Variants in ARIH2 observed in about 807,000 individuals in gnomAD.
ARIH2 encodes the protein ariadne RBR E3 ubiquitin protein ligase 2.
ARIH2 carries 12 observed loss-of-function variants against 79.8 expected under a neutral mutation model. The observed-to-expected ratio is 0.15, with a 90% confidence interval of 0.10 to 0.24. The LOEUF (loss-of-function observed/expected upper bound fraction) is 0.24. Among genes scored for constraint, ARIH2 ranks in the 10% least tolerant of loss-of-function variants. ARIH2 has a pLI of 1.00. For synonymous variants in ARIH2, 224 were observed against 213.9 expected (o/e 1.05, Z -0.41); for missense variants, 301 against 618.3 (o/e 0.49, Z 5.44).
intron 3 of ARIH2, among the ~76,000 whole-genome samples, chr3:48,940,729 AG>A (rs962384125): frequency 5.8e-4 from 84 of 145,936 alleles, no homozygotes; most frequent in Non-Finnish European, 1.1e-3. Context: ...TGGGAGGCAG[AG>A]GTTCCAGTGA....
intron 4 of ARIH2, among the ~76,000 whole-genome samples, chr3:48,963,157 T>G (rs970486386): frequency 1.1e-4 from 16 of 152,164 alleles, no homozygotes; most frequent in African/African-American, 3.9e-4. Flanking sequence ...AAAGAGCAAA[T>G]TCGTTCCTGA....
intron 3 of ARIH2, among the ~76,000 whole-genome samples, chr3:48,939,783 CA>C (rs1207868820): frequency 2.3e-5 from 3 of 132,714 alleles, no homozygotes; most frequent in Non-Finnish European, 4.9e-5. Flanking sequence ...AAAACAAAAA[CA>C]AAAAAACAAA....
chr3:48,947,127 C>G (rs1254315208), intron 3 of ARIH2, among the ~76,000 whole-genome samples: 1 of 152,122 alleles, frequency 6.6e-6, no homozygotes, highest in African/African-American at 2.4e-5. Flanking sequence ...TACTCAGAAG[C>G]CTTGGTCAGG....
chr3:48,927,751 A>T lies in ARIH2; in HGVS notation c.193A>T (p.Thr65Ser). The T allele has an allele frequency of 6.2e-7, 1 of 1,614,160 alleles. No individual in the cohort carries two copies. The highest frequency in any genetic ancestry group is 8.5e-7 in the Non-Finnish European group (1 of 1,180,016). Residue 65 changes from threonine (T) to serine (S), a missense_variant, in exon 3 of 16, where the codon ACC (threonine) becomes TCC (serine). Physicochemically the swap from Thr to Ser is moderately conservative, Grantham distance 58 (BLOSUM62 1). This residue lies in a region of ARIH2 where 223 missense variants were observed against 349.4 expected (regional missense o/e 0.64). Coordinates refer to ENST00000356401, the MANE Select transcript of ARIH2 (RefSeq NM_006321.4). ...DPEEYQFTCL[T>S]YKESEGALNE... ...CGAGGAGTACCAGTTCACTTGCTTG[A>T]CCTACAAGGAATCTGAGGGTGCCCT...
chr3:48,935,983 C>A (rs2087055612), intron 3 of ARIH2, among the ~76,000 whole-genome samples: 1 of 151,846 alleles, frequency 6.6e-6, no homozygotes, highest in Non-Finnish European at 1.5e-5. Flanking sequence ...TGGGACCCAC[C>A]AAAAGAAAAG....
At chr3:48,940,230 C>T (rs1321649541) in intron 3 of ARIH2, among the ~76,000 whole-genome samples, 2 of 151,936 alleles carry the variant, frequency 1.3e-5, no homozygotes, top group Non-Finnish European at 2.9e-5. Flanking sequence ...ATTAGCTGGG[C>T]GTGGTGGCAC....
At chr3:48,959,463 A>G (rs1023585116) in intron 3 of ARIH2, among the ~76,000 whole-genome samples, 10 of 151,852 alleles carry the variant, frequency 6.6e-5, no homozygotes, top group Non-Finnish European at 1.5e-4. Context: ...AGCTTTGTTA[A>G]GGACACAGAA....
chr3:48,924,929 C>G (rs901112174), intron 2 of ARIH2: 2 of 151,894 alleles, frequency 1.3e-5, no homozygotes, highest in Non-Finnish European at 2.9e-5. Flanking sequence ...CTCCTGACCT[C>G]GTGATCTGCC....
chr3:48,969,559 T>A (rs2092045581), intron 7 of ARIH2, among the ~76,000 whole-genome samples: 1 of 151,296 alleles, frequency 6.6e-6, no homozygotes, highest in South Asian at 2.1e-4. Context: ...CAAACATGGC[T>A]CACTGCAGCC....
intron 3 of ARIH2, among the ~76,000 whole-genome samples, chr3:48,939,006 C>T (rs997576853): frequency 1.3e-5 from 2 of 151,644 alleles, no homozygotes; most frequent in African/African-American, 2.4e-5. Flanking sequence ...TGTTGCTCGT[C>T]CCCCAGGCTG....
At position 48,970,824 on chromosome 3, in the gene ARIH2, C is replaced by T. The variant is rs887835746; in HGVS notation, c.770+120C>T. 21 of 683,892 alleles carry T rather than the reference C, an allele frequency of 3.1e-5. No individual in the cohort carries two copies. In the African/African-American group the frequency reaches 3.7e-4, roughly 12 times the overall value. 42.4% of individuals were successfully genotyped at this position (683,892 alleles called of 1,614,324 possible). ...AGGCAGGGTCTCTGAGCCAACAGAA[C>T]AGCTGTGCTCCAAGTGGGTAGGTTT... On this transcript the variant is annotated intron_variant, in intron 8 of 15. Coordinates refer to ENST00000356401, the MANE Select transcript of ARIH2 (RefSeq NM_006321.4).
intron 4 of ARIH2, among the ~76,000 whole-genome samples, chr3:48,962,056 T>C (rs1195802026): frequency 1.3e-5 from 2 of 152,198 alleles, no homozygotes; most frequent in Admixed American, 1.3e-4. Context: ...GATTGTATCA[T>C]AGTACGAGTT....
At chr3:48,960,639 C>T (rs1466427887) in intron 3 of ARIH2, among the ~76,000 whole-genome samples, 2 of 151,814 alleles carry the variant, frequency 1.3e-5, no homozygotes, top group Non-Finnish European at 2.9e-5. Flanking sequence ...TGGCGCATGC[C>T]TGTAATCCCA....
intron 3 of ARIH2, among the ~76,000 whole-genome samples, chr3:48,939,593 TA>T (rs2087729587): frequency 6.6e-6 from 1 of 150,678 alleles, no homozygotes; most frequent in Non-Finnish European, 1.5e-5. Context: ...CTGTCTCTAC[TA>T]AAAATACAAA....
At chr3:48,954,184 G>C (rs1212456920) in intron 3 of ARIH2, among the ~76,000 whole-genome samples, 1 of 151,850 alleles carries the variant, frequency 6.6e-6, no homozygotes, top group Non-Finnish European at 1.5e-5. Context: ...GGCCGGGCTT[G>C]GTGGCTCACG....
At chr3:48,933,630 A>G (rs1222295267) in intron 3 of ARIH2, among the ~76,000 whole-genome samples, 1 of 148,680 alleles carries the variant, frequency 6.7e-6, no homozygotes, top group Non-Finnish European at 1.5e-5. Flanking sequence ...GTTCACTGCA[A>G]GCTCCGCCTA....
chr3:48,934,140 G>T (rs969261139), intron 3 of ARIH2, among the ~76,000 whole-genome samples: 16 of 152,100 alleles, frequency 1.1e-4, no homozygotes, highest in African/African-American at 3.9e-4. Context: ...CAGGGCTTCT[G>T]ACTCTTAAGT....
Position 48,977,304 on chromosome 3 carries a change from T to C in ARIH2, c.962-2178T>C, listed in dbSNP as rs561868721. On this transcript the variant is annotated intron_variant, in intron 11 of 15. Coordinates refer to ENST00000356401, the MANE Select transcript of ARIH2 (RefSeq NM_006321.4). ...GGGAATGTGGTTTTTTGTTTTGTTT[T>C]GTTTCGTTTTTTGAGATGGAGTCTC... is the stretch of plus-strand genomic sequence containing the variant. Among the ~76,000 whole-genome samples the C allele has an allele frequency of 1.1e-3, 163 of 152,254 alleles. 1 individual carries two copies. Among genetic ancestry groups the C allele is most frequent in the African/African-American group, 3.6e-3 (148 of 41,532 alleles).
At chr3:48,975,091 C>T in intron 11 of ARIH2, 112 bp downstream of exon 11, 1 of 1,571,510 alleles carries the variant, frequency 6.4e-7, no homozygotes, top group Admixed American at 1.7e-5. Context: ...AGAAGAACCT[C>T]AGTCACTTAA....
Sources: allele counts gnomAD v4.1 joint callset (sites outside exome capture counted in the v4.1 genomes callset), GRCh38; gene constraint gnomAD v4.1.1; regional missense constraint gnomAD v4.1.1; transcripts MANE v1.5; gene names NCBI Gene and HGNC (gene_info 2026-07-23, HGNC 2026-07-21).